The following CDH18 variants were observed in gnomAD, a reference collection of about 807,000 sequenced individuals.
CDH18 encodes cadherin-18.
A neutral mutation model predicts 67.9 loss-of-function variants in CDH18; 31 were observed. That is an observed-to-expected ratio of 0.46 (90% CI 0.34 to 0.62). The LOEUF (loss-of-function observed/expected upper bound fraction) is 0.62, where lower values mean the gene tolerates loss of function less well. CDH18 is among the 20% of genes least tolerant of loss of function. The pLI, the probability that CDH18 is intolerant of heterozygous loss-of-function variation, is 0.01. For missense variants in CDH18, 890 were observed against 975.5 expected (o/e 0.91, Z 1.17); for synonymous variants, 362 against 347.2 (o/e 1.04, Z -0.48).
chr5:20,386,160 G>A (rs940808252), intron 1 of CDH18, among the ~76,000 whole-genome samples: 2 of 152,190 alleles, frequency 1.3e-5, no homozygotes, highest in Admixed American at 6.5e-5. Flanking sequence ...AATGAACAAC[G>A]TAGAGAGCAT....
intron 1 of CDH18, among the ~76,000 whole-genome samples, chr5:20,368,896 T>C (rs1008496908): frequency 2.6e-5 from 4 of 152,170 alleles, no homozygotes; most frequent in African/African-American, 9.7e-5. Context: ...CAGATGATGT[T>C]CTACGTTCTC....
At chr5:19,731,326 C>T (rs991775681) in intron 4 of CDH18, among the ~76,000 whole-genome samples, 2 of 152,082 alleles carry the variant, frequency 1.3e-5, no homozygotes, top group Non-Finnish European at 2.9e-5. Flanking sequence ...TGGCGGGCGC[C>T]TGTAGCCCCA....
chr5:19,790,387 G>A (rs929772522), intron 3 of CDH18, among the ~76,000 whole-genome samples: 2 of 152,118 alleles, frequency 1.3e-5, no homozygotes, highest in African/African-American at 2.4e-5. Flanking sequence ...TACTATGTGC[G>A]AGTGCTTGGC....
chr5:20,509,932 G>A (rs1031938898), intron 1 of CDH18, among the ~76,000 whole-genome samples: 2 of 152,052 alleles, frequency 1.3e-5, no homozygotes, highest in Non-Finnish European at 2.9e-5. Flanking sequence ...AGATCATATG[G>A]TAGTTTTATT....
intron 2 of CDH18, among the ~76,000 whole-genome samples, chr5:20,104,103 G>A (rs867366194): frequency 1.7e-4 from 25 of 150,490 alleles, no homozygotes; most frequent in African/African-American, 5.3e-4. Context: ...TAGCTATATA[G>A]AGATTATATA....
chr5:20,280,536 C>T (rs1006869248), intron 1 of CDH18, among the ~76,000 whole-genome samples: 1 of 152,140 alleles, frequency 6.6e-6, no homozygotes, highest in Non-Finnish European at 1.5e-5. Context: ...AGGACATGAA[C>T]TCATCATTTT....
At chr5:19,640,436 G>C (rs780230027) in intron 5 of CDH18, among the ~76,000 whole-genome samples, 1 of 151,908 alleles carries the variant, frequency 6.6e-6, no homozygotes, top group Non-Finnish European at 1.5e-5. Flanking sequence ...TAATCACAAA[G>C]ATAAAACCTA....
At chr5:19,869,882 G>GT (rs1394174124) in intron 2 of CDH18, among the ~76,000 whole-genome samples, 2 of 151,998 alleles carry the variant, frequency 1.3e-5, no homozygotes, top group African/African-American at 4.8e-5. Context: ...CACAGTTCTT[G>GT]TAAGTCTTAC....
chr5:19,608,330 T>C (rs1470072663), intron 6 of CDH18, among the ~76,000 whole-genome samples: 2 of 151,628 alleles, frequency 1.3e-5, no homozygotes, highest in Non-Finnish European at 3.0e-5. Flanking sequence ...CAAAAGACAC[T>C]AGAAAGACCT....
intron 2 of CDH18, among the ~76,000 whole-genome samples, chr5:20,188,235 A>G (rs1265908885): frequency 6.6e-6 from 1 of 152,046 alleles, no homozygotes; most frequent in Non-Finnish European, 1.5e-5. Context: ...AATTTTAAGC[A>G]TGGTAATGAA....
Position 20,507,084 on chromosome 5 carries a change from C to G in CDH18, c.-580+68378G>C, listed in dbSNP as rs546735345. On this transcript the variant is annotated intron_variant, in intron 1 of 14. Coordinates refer to the CDH18 transcript ENST00000507958. ...TCCTACAACAGCTCTAGCTGAGCTC[C>G]CAGCCATCAGCCAGCAGTATCTTTG... Among the ~76,000 whole-genome samples the G allele has an allele frequency of 2.6e-5, 4 of 152,314 alleles. No individual in the cohort carries two copies. The South Asian group carries it at 8.3e-4, about 32-fold the overall frequency.
chr5:20,012,117 C>T (rs1055652542), intron 2 of CDH18, among the ~76,000 whole-genome samples: 7 of 151,656 alleles, frequency 4.6e-5, no homozygotes, highest in Admixed American at 1.3e-4. Flanking sequence ...TTTCAGAACT[C>T]ATTATTGGTC....
chr5:19,811,528 C>T (rs1778744106), intron 3 of CDH18, among the ~76,000 whole-genome samples: 1 of 150,426 alleles, frequency 6.6e-6, no homozygotes, highest in South Asian at 2.1e-4. Context: ...CTTCCCAAAC[C>T]GTGAGACAAT....
intron 1 of CDH18, among the ~76,000 whole-genome samples, chr5:20,279,699 CAAAA>C (rs1189257278): frequency 8.1e-4 from 11 of 13,588 alleles, no homozygotes; most frequent in Non-Finnish European, 1.3e-3. Flanking sequence ...AGCTCTGTCT[CAAAA>C]AAAAAAAAAA....
chr5:19,948,231 CTT>C (rs1241150460), intron 2 of CDH18, among the ~76,000 whole-genome samples: 5 of 152,218 alleles, frequency 3.3e-5, no homozygotes, highest in East Asian at 1.9e-4. Context: ...TATAAATAGA[CTT>C]ATCGCACAAA....
rs992660102 is a variant in CDH18, at chr5:19,747,354, C to T, written c.229-118G>A. 3.9e-5 allele frequency: 30 copies of T among 773,014 alleles called. No homozygotes were observed. In the African/African-American group the frequency reaches 4.1e-4, roughly 10 times the overall value. The allele number at this position is 773,014 out of a possible 1,614,324, so 47.9% of individuals were successfully genotyped here. A position where few individuals can be genotyped will look rare whatever the true frequency, so the allele number is the denominator to read the frequency against. On this transcript the variant is annotated intron_variant, in intron 3 of 12. Transcript: ENST00000382275. ...TATGACTTTTCTTCCCTTTACAGTG[C>T]CCTGTGTGTTACTACTATCATTTGC...
At chr5:19,933,907 T>C (rs2150207707) in intron 2 of CDH18, among the ~76,000 whole-genome samples, 1 of 151,554 alleles carries the variant, frequency 6.6e-6, no homozygotes, top group Non-Finnish European at 1.5e-5. Context: ...TAGTATTGAC[T>C]TGCCAATTTT....
intron 3 of CDH18, among the ~76,000 whole-genome samples, chr5:19,749,657 C>T (rs1245358027): frequency 1.3e-5 from 2 of 150,658 alleles, no homozygotes; most frequent in Non-Finnish European, 3.0e-5. Flanking sequence ...AGTTCTTAAC[C>T]TACAGCATCT....
At chr5:19,626,898 G>A (rs1331449088) in intron 5 of CDH18, among the ~76,000 whole-genome samples, 2 of 152,074 alleles carry the variant, frequency 1.3e-5, no homozygotes, top group Non-Finnish European at 2.9e-5. Context: ...CTGGCTCATA[G>A]ATATAATTAT....
Sources: allele counts gnomAD v4.1 joint callset (sites outside exome capture counted in the v4.1 genomes callset), GRCh38; gene constraint gnomAD v4.1.1; transcripts MANE v1.5; gene names NCBI Gene and HGNC (gene_info 2026-07-23, HGNC 2026-07-21).